The following ADAMTSL2 variants were observed in gnomAD, a reference collection of about 807,000 sequenced individuals.
ADAMTSL2 encodes the protein ADAMTS-like protein 2.
Under a neutral mutation model 117.0 loss-of-function variants are expected in ADAMTSL2, and 55 were observed. The ratio of observed to expected loss-of-function variants is 0.47; its 90% CI spans 0.38 to 0.59. ADAMTSL2 has a LOEUF of 0.59. Among genes scored for constraint, ADAMTSL2 ranks in the 20% least tolerant of loss-of-function variants. ADAMTSL2 has a pLI of 0.00. For synonymous variants in ADAMTSL2, 572 were observed against 566.4 expected (o/e 1.01, Z -0.14); for missense variants, 1,182 against 1,354.5 (o/e 0.87, Z 2.00).
At chr9:133,556,424 A>C (rs1830606814) in intron 11 of ADAMTSL2, among the ~76,000 whole-genome samples, 1 of 152,218 alleles carries the variant, frequency 6.6e-6, no homozygotes, top group Admixed American at 6.5e-5. Context: ...CAGTCATGGC[A>C]CACACGCCTG....
At chr9:133,536,165 G>A (rs1055997074) in intron 1 of ADAMTSL2, among the ~76,000 whole-genome samples, 1 of 152,218 alleles carries the variant, frequency 6.6e-6, no homozygotes, top group African/African-American at 2.4e-5. Flanking sequence ...CCGGGACCTG[G>A]CCAAGCCCAT....
At chr9:133,539,689 GCCA>G in intron 4 of ADAMTSL2, 79 bp from the exon 5 acceptor site, 3 of 270,344 alleles carry the variant, frequency 1.1e-5, no homozygotes, top group Non-Finnish European at 1.7e-5. Context: ...CCCGGCTGCA[GCCA>G]CTTCCTGCTT....
intron 12 of ADAMTSL2, among the ~76,000 whole-genome samples, chr9:133,564,383 AGG>A (rs1319185856): frequency 5.4e-5 from 2 of 37,088 alleles, no homozygotes; most frequent in East Asian, 8.6e-4. Context: ...AGGGAGAGAG[AGG>A]GAGAGAGAGA....
intron 12 of ADAMTSL2, among the ~76,000 whole-genome samples, chr9:133,561,795 G>A (rs1210496954): frequency 6.6e-6 from 1 of 152,202 alleles, no homozygotes; most frequent in African/African-American, 2.4e-5. Context: ...AGACAGATGT[G>A]TGTGGTTAGT....
In ADAMTSL2 at chr9:133,558,040, G is replaced by A. The variant is rs796161378; in HGVS notation, c.1649+2110G>A. ...GGCCAGGGTCATGGCACAAGCTTAC[G>A]GATCCTCAAGCCGCTTTGTAAAGAG... On this transcript the variant is annotated intron_variant, in intron 11 of 18. Coordinates refer to ENST00000651351, the MANE Select transcript of ADAMTSL2 (RefSeq NM_014694.4). The surrounding 1 kb of genome is among the most constrained non-coding windows in gnomAD (Gnocchi z 4.3). Among the ~76,000 whole-genome samples the A allele has an allele frequency of 3.9e-5, 6 of 152,234 alleles. No individual in the cohort carries two copies. Among genetic ancestry groups the A allele is most frequent in the South Asian group, 2.1e-4 (1 of 4,816 alleles).
At chr9:133,539,624 G>A in intron 4 of ADAMTSL2, 147 bp from the exon 5 acceptor site, 1 of 284,642 alleles carries the variant, frequency 3.5e-6, no homozygotes, top group South Asian at 6.0e-5. Flanking sequence ...AGGAGCCCTA[G>A]AGGCCACCCC....
intron 9 of ADAMTSL2, among the ~76,000 whole-genome samples, chr9:133,551,486 T>C (rs1830482170): frequency 1.3e-5 from 2 of 152,190 alleles, no homozygotes; most frequent in African/African-American, 4.8e-5. Flanking sequence ...GAACTCGTGT[T>C]GGAGGCAGCT....
intron 7 of ADAMTSL2, 141 bp downstream of exon 7, chr9:133,541,142 C>T (rs1463675920): frequency 1.3e-5 from 17 of 1,321,506 alleles, no homozygotes; most frequent in African/African-American, 2.9e-5. Context: ...CATCCCAGGC[C>T]GGGTGAGCTG....
In ADAMTSL2 at chr9:133,539,681, C is replaced by CGGCTGTCCCGGCTGTCCT. The variant is rs1427150305; in HGVS notation, c.310-85_310-84insTCCCGGCTGTCCTGGCTG. 69 of 1,340,944 alleles carry CGGCTGTCCCGGCTGTCCT rather than the reference C, an allele frequency of 5.1e-5. 1 individual carries two copies. The highest frequency in any genetic ancestry group is 6.6e-5 in the Non-Finnish European group (64 of 967,276). 83.1% of individuals were successfully genotyped at this position (1,340,944 alleles called of 1,614,324 possible). On this transcript the variant is annotated intron_variant, in intron 4 of 18. Transcript: ENST00000651351. ...GCTGTCCCGGCTGTCCCGGCTGTCC[C>CGGCTGTCCCGGCTGTCCT]GGCTGCAGCCACTTCCTGCTTAGCC...
chr9:133,534,785 GA>G lies in ADAMTSL2; in HGVS notation c.-281del. 1 of 1,477,750 alleles carries G rather than the reference GA, an allele frequency of 6.8e-7. No homozygotes were observed. The allele number at this position is 1,477,750 out of a possible 1,614,324, so 91.5% of individuals were successfully genotyped here. ...AGGGAGGCGGCGCGGGGGAGGAGGG[GA>G]AGGGGAGAGGGAGGCCGGGCCGCAG... On this transcript the variant is annotated 5_prime_UTR_variant, in exon 1 of 19. The change creates a premature stop within an existing upstream ORF in the 5' untranslated region. Transcript: ENST00000651351.
chr9:133,533,467 G>C (rs1296698438), upstream of ADAMTSL2, among the ~76,000 whole-genome samples: 1 of 152,132 alleles, frequency 6.6e-6, no homozygotes, highest in Non-Finnish European at 1.5e-5. Context: ...TTGCCTACTG[G>C]AGAGGTGACT....
At position 133,569,396 on chromosome 9, in the gene ADAMTSL2, T is replaced by G; in HGVS notation, c.2245-12T>G. On this transcript the variant is annotated splice_polypyrimidine_tract_variant and intron_variant, in intron 15 of 18. Transcript: ENST00000651351. ...CTCACTGGATGTCCCCTGCCTGTCC[T>G]CTCCCCTGCAGTGCAGTGGAAGCTG... 6.2e-7 allele frequency: 1 copy of G among 1,612,832 alleles called. No homozygotes were observed. The highest frequency in any genetic ancestry group is 1.1e-5 in the South Asian group (1 of 90,822).
chr9:133,548,875 G>A (rs529924763), intron 9 of ADAMTSL2, among the ~76,000 whole-genome samples: 1 of 152,344 alleles, frequency 6.6e-6, no homozygotes, highest in Admixed American at 6.5e-5. Context: ...GCCTTGGCAG[G>A]GGAACAGCCC....
intron 2 of ADAMTSL2, 137 bp downstream of exon 2, chr9:133,536,939 A>G (rs933531011): frequency 7.0e-7 from 1 of 1,420,774 alleles, no homozygotes. Flanking sequence ...GCTCCTAGAA[A>G]CTTCTGCCCA....
At chr9:133,570,142 G>A (rs979283451) in intron 16 of ADAMTSL2, among the ~76,000 whole-genome samples, 189 bp from the exon 17 acceptor site, 1 of 152,248 alleles carries the variant, frequency 6.6e-6, no homozygotes, top group Non-Finnish European at 1.5e-5. Context: ...GTGCTAAATT[G>A]CTTTTGATCA....
chr9:133,556,037 G>A, intron 11 of ADAMTSL2, 107 bp downstream of exon 11: 1 of 1,387,242 alleles, frequency 7.2e-7, no homozygotes, highest in Non-Finnish European at 9.7e-7. Context: ...CAGAAGGGCT[G>A]AGGTCCTAGA....
chr9:133,546,475 G>A (rs1257062192), intron 8 of ADAMTSL2, among the ~76,000 whole-genome samples: 1 of 152,176 alleles, frequency 6.6e-6, no homozygotes, highest in African/African-American at 2.4e-5. Flanking sequence ...GGTTGACTGG[G>A]TGAAGGGTCA....
intron 17 of ADAMTSL2, among the ~76,000 whole-genome samples, chr9:133,573,058 C>G (rs1831147791): frequency 6.7e-6 from 1 of 149,554 alleles, no homozygotes; most frequent in Non-Finnish European, 1.5e-5. Context: ...TCTGCCAAGT[C>G]TTAATCGGTC....
At chr9:133,544,964 C>G (rs984581645) in intron 8 of ADAMTSL2, among the ~76,000 whole-genome samples, 41 of 151,832 alleles carry the variant, frequency 2.7e-4, no homozygotes, top group African/African-American at 9.9e-4. Flanking sequence ...AGGATTCCGA[C>G]TCAGGTCTGG....
Sources: allele counts gnomAD v4.1 joint callset (sites outside exome capture counted in the v4.1 genomes callset), GRCh38; gene constraint gnomAD v4.1.1; non-coding constraint Gnocchi (gnomAD v3.1); transcripts MANE v1.5; gene names NCBI Gene and HGNC (gene_info 2026-07-23, HGNC 2026-07-21).